The following FHIP1A variants were observed in gnomAD, a reference collection of about 807,000 sequenced individuals.
FHIP1A encodes FHF complex subunit HOOK interacting protein 1A.
FHIP1A carries 61 observed loss-of-function variants against 88.6 expected under a neutral mutation model. The ratio of observed to expected loss-of-function variants is 0.69; its 90% CI spans 0.56 to 0.85. The LOEUF (loss-of-function observed/expected upper bound fraction) is 0.85, where lower values mean the gene tolerates loss of function less well. Ranked by LOEUF, FHIP1A falls within the 40% of genes least tolerant of loss-of-function variation. FHIP1A has a pLI of 0.00. For synonymous variants in FHIP1A, 478 were observed against 496.0 expected (o/e 0.96, Z 0.48); for missense variants, 1,154 against 1,273.5 (o/e 0.91, Z 1.43).
At chr4:151,602,918 C>G (rs1230621930) in intron 7 of FHIP1A, among the ~76,000 whole-genome samples, 1 of 152,140 alleles carries the variant, frequency 6.6e-6, no homozygotes, top group African/African-American at 2.4e-5. Flanking sequence ...GCTATAAAAC[C>G]TTTCTACACT....
intron 7 of FHIP1A, among the ~76,000 whole-genome samples, chr4:151,601,135 A>G (rs576714981): frequency 4.6e-5 from 7 of 152,282 alleles, no homozygotes; most frequent in African/African-American, 9.6e-5. Context: ...ATGGGTTACA[A>G]CCTGCCTGAG....
intron 11 of FHIP1A, among the ~76,000 whole-genome samples, chr4:151,655,507 C>A (rs1737196849): frequency 6.6e-6 from 1 of 152,120 alleles, no homozygotes; most frequent in Non-Finnish European, 1.5e-5. Flanking sequence ...TTTAAGAAAT[C>A]TGTGACATGC....
At chr4:151,473,643 T>TA (rs1391789919) in intron 2 of FHIP1A, among the ~76,000 whole-genome samples, 1 of 152,168 alleles carries the variant, frequency 6.6e-6, no homozygotes, top group African/African-American at 2.4e-5. Context: ...AGGGCAAACT[T>TA]ATCAGGTTAT....
At chr4:151,581,515 A>G (rs923852113) in intron 5 of FHIP1A, among the ~76,000 whole-genome samples, 4 of 152,190 alleles carry the variant, frequency 2.6e-5, no homozygotes, top group African/African-American at 9.6e-5. Context: ...TTGCTTTTAT[A>G]AAAACATATT....
intron 3 of FHIP1A, among the ~76,000 whole-genome samples, chr4:151,502,884 G>C (rs1730701775): frequency 6.6e-6 from 1 of 152,108 alleles, no homozygotes. Context: ...TGTTGGTGTT[G>C]GCCCATATTT....
rs545226122 is a variant in FHIP1A at position 151,526,884 on chromosome 4, C to T, written c.-122-39254C>T. The stretch of plus-strand genomic sequence containing the variant: ...GCAGAGACGCTCCTCACATCCCGGA[C>T]GGGGCGGCAGGGCAGAGGCGCTCCC... On this transcript the variant is annotated intron_variant, in intron 3 of 13. Transcript: ENST00000435205. 1.1e-4 allele frequency among the ~76,000 whole-genome samples: 17 copies of T among 149,480 alleles called. No homozygotes were observed. The South Asian group carries it at 1.9e-3, about 17-fold the overall frequency.
chr4:151,474,913 G>A (rs1156319613), intron 2 of FHIP1A, among the ~76,000 whole-genome samples: 3 of 152,174 alleles, frequency 2.0e-5, no homozygotes, highest in Non-Finnish European at 1.5e-5. Context: ...ACAGGGGCTT[G>A]TCTATACAGT....
chr4:151,651,756 A>G (rs1737038681), intron 11 of FHIP1A, among the ~76,000 whole-genome samples: 2 of 152,226 alleles, frequency 1.3e-5, no homozygotes, highest in African/African-American at 4.8e-5. Flanking sequence ...GAGCTCTTCC[A>G]GCCTCCTCCT....
At chr4:151,646,473 A>C in intron 9 of FHIP1A, 85 bp from the exon 10 acceptor site, 1 of 894,872 alleles carries the variant, frequency 1.1e-6, no homozygotes, top group East Asian at 2.7e-5. Context: ...CCTGGCCACA[A>C]GGAGTCCCTG....
intron 3 of FHIP1A, among the ~76,000 whole-genome samples, chr4:151,544,533 A>G (rs1331985781): frequency 6.6e-6 from 1 of 152,122 alleles, no homozygotes; most frequent in Admixed American, 6.6e-5. Flanking sequence ...ACTGTTTAAG[A>G]TCAACTGGAG....
chr4:151,457,614 C>G (rs1457514752), intron 2 of FHIP1A, among the ~76,000 whole-genome samples: 1 of 152,158 alleles, frequency 6.6e-6, no homozygotes, highest in Non-Finnish European at 1.5e-5. Flanking sequence ...ATTGAGAAAT[C>G]TTAACCTTTT....
intron 1 of FHIP1A, among the ~76,000 whole-genome samples, chr4:151,449,872 C>A (rs1011273984): frequency 1.3e-5 from 2 of 152,098 alleles, no homozygotes; most frequent in African/African-American, 4.8e-5. Context: ...TGAAGGTTTA[C>A]AATGTATTTT....
At position 151,531,287 on chromosome 4, in the gene FHIP1A, C is replaced by A. The variant is rs138564340; in HGVS notation, c.-122-34851C>A. On this transcript the variant is annotated intron_variant, in intron 3 of 13. Coordinates refer to ENST00000435205, the MANE Select transcript of FHIP1A (RefSeq NM_001109977.3). ...TGCTGATTTGCACACTTTCATTAAG[C>A]AATCAGGACTGAATGACCAAGTGAC... 2.6e-3 allele frequency among the ~76,000 whole-genome samples: 396 copies of A among 151,936 alleles called. 1 individual carries two copies. The highest frequency in any genetic ancestry group is 9.1e-3 in the African/African-American group (379 of 41,440).
intron 3 of FHIP1A, among the ~76,000 whole-genome samples, chr4:151,516,280 C>T (rs1385416664): frequency 2.0e-5 from 3 of 151,898 alleles, no homozygotes; most frequent in Non-Finnish European, 2.9e-5. Context: ...CCCTTCCTTA[C>T]ACCTTATACA....
At chr4:151,451,611 A>G (rs1728791201) in intron 1 of FHIP1A, among the ~76,000 whole-genome samples, 1 of 152,166 alleles carries the variant, frequency 6.6e-6, no homozygotes, top group African/African-American at 2.4e-5. Flanking sequence ...ACAGAAGTAG[A>G]TGATAAGAGG....
At chr4:151,449,305 A>C (rs1728714093) in intron 1 of FHIP1A, among the ~76,000 whole-genome samples, 1 of 152,164 alleles carries the variant, frequency 6.6e-6, no homozygotes, top group Non-Finnish European at 1.5e-5. Context: ...GTTACACATG[A>C]GGAAACTGAG....
chr4:151,436,275 G>A (rs1728195225), intron 1 of FHIP1A, among the ~76,000 whole-genome samples: 1 of 152,092 alleles, frequency 6.6e-6, no homozygotes, highest in South Asian at 2.1e-4. Context: ...AAACGTAGGG[G>A]TTTTTATTAC....
rs886254057 is a variant in FHIP1A, at chr4:151,652,167, GA to G, written c.2551+1584del. Among the ~76,000 whole-genome samples the G allele has an allele frequency of 8.0e-5, 12 of 149,480 alleles. No homozygotes were observed. In the East Asian group the frequency reaches 1.6e-3, roughly 19 times the overall value. ...GAAAGAAAGTATAGCTCAGGGCAAG[GA>G]AAAAAAAAGCTAATCCAACACCTTA... On this transcript the variant is annotated intron_variant, in intron 11 of 13. Coordinates refer to ENST00000435205, the MANE Select transcript of FHIP1A (RefSeq NM_001109977.3).
chr4:151,604,003 C>T (rs1734973817), intron 7 of FHIP1A, among the ~76,000 whole-genome samples: 2 of 152,186 alleles, frequency 1.3e-5, no homozygotes. Context: ...CCTTAAGTGG[C>T]TCCACTTCCT....
Sources: gnomAD v4.1 joint callset for allele counts (sites outside exome capture counted in the v4.1 genomes callset) on GRCh38, gnomAD v4.1.1 for gene constraint, MANE v1.5 for transcripts, NCBI Gene and HGNC (gene_info 2026-07-23, HGNC 2026-07-21) for gene names.